PPM1L: variants seen among roughly 807,000 people sequenced by gnomAD.
The protein encoded by PPM1L is protein phosphatase, Mg2+/Mn2+ dependent 1L.
Under a neutral mutation model 31.4 loss-of-function variants are expected in PPM1L, and 13 were observed. The observed-to-expected ratio is 0.41, with a 90% CI of 0.27 to 0.66. The LOEUF (loss-of-function observed/expected upper bound fraction) is 0.66. PPM1L is among the 30% of genes least tolerant of loss of function. The probability of loss-of-function intolerance (pLI) is 0.29; values close to 1 mark genes in which losing one functional copy is unlikely to be tolerated. For missense variants in PPM1L, 326 were observed against 453.7 expected, an observed-to-expected ratio of 0.72 and a Z score of 2.56; for synonymous variants, 184 against 175.4, an observed-to-expected ratio of 1.05 and a Z score of -0.39.
intron 2 of PPM1L, among the ~76,000 whole-genome samples, chr3:161,034,105 A>C (rs936498024): frequency 1.6e-4 from 24 of 152,328 alleles, no homozygotes; most frequent in Middle Eastern, 3.4e-3. Flanking sequence ...GCTCATCATC[A>C]CTGGTCATTA....
intron 1 of PPM1L, among the ~76,000 whole-genome samples, chr3:160,900,628 T>C (rs1180742487): frequency 6.6e-6 from 1 of 152,122 alleles, no homozygotes; most frequent in Non-Finnish European, 1.5e-5. Flanking sequence ...ACTTTACCTA[T>C]ACGTTTTGTC....
At chr3:160,775,108 T>C (rs1211020563) in intron 1 of PPM1L, among the ~76,000 whole-genome samples, 1 of 152,226 alleles carries the variant, frequency 6.6e-6, no homozygotes. Context: ...AAAATCCTAA[T>C]GGTGTTTGAG....
intron 1 of PPM1L, among the ~76,000 whole-genome samples, chr3:160,773,272 A>G (rs920020336): frequency 5.3e-5 from 8 of 152,202 alleles, no homozygotes; most frequent in African/African-American, 1.7e-4. Context: ...ATTTTCATGT[A>G]TATTTTAGAA....
Position 161,072,593 on chromosome 3 carries a change from T to C in PPM1L, c.*3436T>C, listed in dbSNP as rs1160613535. The C allele has an allele frequency of 6.6e-6, 1 of 152,222 alleles. No individual in the cohort carries two copies. Among genetic ancestry groups the C allele is most frequent in the Non-Finnish European group, 1.5e-5 (1 of 68,038 alleles). 9.4% of individuals were successfully genotyped at this position (152,222 alleles called of 1,614,324 possible). On this transcript the variant is annotated 3_prime_UTR_variant, in exon 4 of 4. Transcript: ENST00000498165. Reference sequence around the variant, plus strand: ...ATTCCACTGTTGGATTCTAGGAAATTGAGTCCACTGTTTTCCTTTGCGTTT... The same window carrying C: ...ATTCCACTGTTGGATTCTAGGAAATCGAGTCCACTGTTTTCCTTTGCGTTT...
intron 2 of PPM1L, among the ~76,000 whole-genome samples, chr3:160,996,634 GGGGGAGAGGGTGAGA>G (rs1368116394): frequency 6.6e-6 from 1 of 152,104 alleles, no homozygotes; most frequent in Non-Finnish European, 1.5e-5. Flanking sequence ...TTGGGGACCT[GGGGGAGAGGGTGAGA>G]GGGGAGCAAA....
chr3:160,994,392 G>T (rs1717235997), intron 2 of PPM1L, among the ~76,000 whole-genome samples: 1 of 152,120 alleles, frequency 6.6e-6, no homozygotes, highest in South Asian at 2.1e-4. Context: ...GTTTAATATG[G>T]CATTTTCATT....
chr3:160,948,362 A>G (rs930068836), intron 1 of PPM1L, among the ~76,000 whole-genome samples: 3 of 152,168 alleles, frequency 2.0e-5, no homozygotes, highest in Non-Finnish European at 4.4e-5. Flanking sequence ...TTGTTTGCAT[A>G]GTTATGCAAC....
chr3:161,047,520 T>G (rs954328583), intron 2 of PPM1L, among the ~76,000 whole-genome samples: 28 of 152,168 alleles, frequency 1.8e-4, no homozygotes, highest in African/African-American at 6.8e-4. Context: ...CCCAAGGTAA[T>G]TTATAGATTC....
chr3:160,864,550 G>A (rs1183375152), intron 1 of PPM1L, among the ~76,000 whole-genome samples: 5 of 152,178 alleles, frequency 3.3e-5, no homozygotes, highest in African/African-American at 9.7e-5. Context: ...AATGAAAATT[G>A]GAGTTCCAGA....
chr3:161,030,649 TAG>T, intron 2 of PPM1L, among the ~76,000 whole-genome samples: 1 of 152,160 alleles, frequency 6.6e-6, no homozygotes, highest in Non-Finnish European at 1.5e-5. Flanking sequence ...GACTACCAAT[TAG>T]AGTCAGACTT....
intron 1 of PPM1L, among the ~76,000 whole-genome samples, chr3:160,758,638 C>T (rs778540987): frequency 6.6e-6 from 1 of 151,990 alleles, no homozygotes; most frequent in Non-Finnish European, 1.5e-5. Context: ...TACTGTAAAA[C>T]CTGAAAGTTG....
chr3:160,949,277 A>G (rs954848419), intron 1 of PPM1L, among the ~76,000 whole-genome samples: 1 of 152,210 alleles, frequency 6.6e-6, no homozygotes, highest in African/African-American at 2.4e-5. Flanking sequence ...AAAATAAGAC[A>G]TTAGATACTG....
chr3:160,850,872 C>CT (rs958329783), intron 1 of PPM1L, among the ~76,000 whole-genome samples: 25 of 127,108 alleles, frequency 2.0e-4, no homozygotes, highest in East Asian at 1.1e-3. Context: ...GCTTCTTACT[C>CT]TTTTTTTTTG....
At chr3:160,953,178 A>G (rs1380266064) in intron 1 of PPM1L, among the ~76,000 whole-genome samples, 1 of 152,218 alleles carries the variant, frequency 6.6e-6, no homozygotes, top group Non-Finnish European at 1.5e-5. Flanking sequence ...AACATACTTC[A>G]TTACAAAGTT....
intron 2 of PPM1L, among the ~76,000 whole-genome samples, chr3:161,014,752 G>A (rs755081655): frequency 7.9e-5 from 12 of 152,300 alleles, no homozygotes; most frequent in Non-Finnish European, 1.5e-4. Flanking sequence ...TTATAGGCGT[G>A]AGCCACTGCT....
chr3:160,984,980 C>G (rs542679206), intron 2 of PPM1L, among the ~76,000 whole-genome samples: 1 of 152,064 alleles, frequency 6.6e-6, no homozygotes. Flanking sequence ...CTATAATGCA[C>G]AGGACAGCCC....
intron 1 of PPM1L, among the ~76,000 whole-genome samples, chr3:160,757,896 T>G (rs542712278): frequency 3.3e-5 from 5 of 152,302 alleles, no homozygotes; most frequent in African/African-American, 1.2e-4. Flanking sequence ...AGCATTTGCT[T>G]GTTCTTTGGC....
intron 2 of PPM1L, among the ~76,000 whole-genome samples, chr3:161,019,255 A>G (rs1208479910): frequency 1.3e-5 from 2 of 152,110 alleles, no homozygotes; most frequent in African/African-American, 4.8e-5. Flanking sequence ...GTGCAGTGGC[A>G]TAATCATAGC....
Position 160,789,060 on chromosome 3 carries a change from C to T in PPM1L, c.399+32353C>T, listed in dbSNP as rs555557769. Reference sequence around the variant, plus strand: ...TGTTGGTATTATTGAGATTACATTACCTTTATCATTTAATTTAGATAAACT... The same window carrying T: ...TGTTGGTATTATTGAGATTACATTATCTTTATCATTTAATTTAGATAAACT... On this transcript the variant is annotated intron_variant, in intron 1 of 3. Transcript: ENST00000498165. Among the ~76,000 whole-genome samples the T allele has an allele frequency of 4.6e-5, 7 of 151,978 alleles. No homozygotes were observed. In the East Asian group the frequency reaches 1.3e-3, roughly 29 times the overall value.
Sources: gnomAD v4.1 joint callset for allele counts (sites outside exome capture counted in the v4.1 genomes callset) on GRCh38, gnomAD v4.1.1 for gene constraint, MANE v1.5 for transcripts, NCBI Gene and HGNC (gene_info 2026-07-23, HGNC 2026-07-21) for gene names.